ALK: variants seen among roughly 807,000 people sequenced by gnomAD.
The protein encoded by ALK is ALK tyrosine kinase receptor.
ALK carries 74 observed loss-of-function variants against 163.1 expected under a neutral mutation model. That is an observed-to-expected ratio of 0.45 (90% CI 0.38 to 0.55). ALK has a LOEUF of 0.55. ALK is among the 20% of genes least tolerant of loss of function. The pLI is 0.00. For synonymous variants in ALK, 960 were observed against 843.2 expected, an observed-to-expected ratio of 1.14 and a Z score of -2.40; for missense variants, 2,063 against 2,105.3, an observed-to-expected ratio of 0.98 and a Z score of 0.39.
At chr2:29,413,327 AG>A (rs754022403) in intron 4 of ALK, among the ~76,000 whole-genome samples, 2 of 152,106 alleles carry the variant, frequency 1.3e-5, no homozygotes, top group East Asian at 3.9e-4. Flanking sequence ...ATAAAAGTAT[AG>A]TATAGTAAAC....
chr2:29,875,799 A>T (rs1451578207), intron 1 of ALK, among the ~76,000 whole-genome samples: 5 of 152,158 alleles, frequency 3.3e-5, no homozygotes, highest in Admixed American at 3.3e-4. Context: ...CATGGTGTGT[A>T]TGTGCCACAT....
At chr2:29,199,860 A>G (rs17007671) in intron 26 of ALK, among the ~76,000 whole-genome samples, 6,736 of 152,290 alleles carry the variant, frequency 0.044, 431 homozygotes, top group African/African-American at 0.14. Flanking sequence ...TTCTGAGGTT[A>G]GCAAATATTA....
At chr2:29,692,223 C>G (rs1295989265) in intron 3 of ALK, among the ~76,000 whole-genome samples, 2 of 152,106 alleles carry the variant, frequency 1.3e-5, no homozygotes. Flanking sequence ...AATAGCAATA[C>G]TGATGAGGAT....
At chr2:29,509,975 T>A (rs1672464920) in intron 4 of ALK, among the ~76,000 whole-genome samples, 1 of 152,208 alleles carries the variant, frequency 6.6e-6, no homozygotes, top group African/African-American at 2.4e-5. Flanking sequence ...CCAGTGGCTT[T>A]AGTTACCACT....
intron 1 of ALK, among the ~76,000 whole-genome samples, chr2:29,733,221 G>GCAGGAT (rs1265698795): frequency 2.6e-5 from 4 of 152,232 alleles, no homozygotes; most frequent in Admixed American, 6.5e-5. Flanking sequence ...ATGAAGTAAA[G>GCAGGAT]CAGGATCAGG....
chr2:29,747,057 T>C (rs927702291), intron 1 of ALK, among the ~76,000 whole-genome samples: 3 of 152,204 alleles, frequency 2.0e-5, no homozygotes, highest in African/African-American at 7.2e-5. Context: ...ATCTGACCTT[T>C]CCTTCACTAG....
intron 1 of ALK, among the ~76,000 whole-genome samples, chr2:29,783,144 T>C (rs1472811552): frequency 6.6e-6 from 1 of 152,208 alleles, no homozygotes; most frequent in Admixed American, 6.5e-5. Context: ...CCTACTTTTG[T>C]CTCTGGGATG....
At chr2:29,625,025 G>A (rs1676152280) in intron 3 of ALK, among the ~76,000 whole-genome samples, 1 of 152,178 alleles carries the variant, frequency 6.6e-6, no homozygotes, top group Non-Finnish European at 1.5e-5. Flanking sequence ...TTGCCCACAT[G>A]AGTGGTATGG....
At chr2:29,590,078 A>C (rs1196636966) in intron 3 of ALK, among the ~76,000 whole-genome samples, 1 of 152,246 alleles carries the variant, frequency 6.6e-6, no homozygotes, top group Non-Finnish European at 1.5e-5. Flanking sequence ...CTGGCTTGTC[A>C]TCAAATGAAC....
intron 8 of ALK, among the ~76,000 whole-genome samples, chr2:29,299,122 T>A (rs922728120): frequency 1.3e-5 from 2 of 152,212 alleles, no homozygotes; most frequent in Admixed American, 1.3e-4. Flanking sequence ...GGTTTCTAGA[T>A]AATCTCCTCA....
At chr2:29,536,792 G>A (rs935934388) in intron 3 of ALK, among the ~76,000 whole-genome samples, 12 of 152,128 alleles carry the variant, frequency 7.9e-5, no homozygotes, top group African/African-American at 2.2e-4. Flanking sequence ...ACAAAGCTAA[G>A]GAAGTATCAA....
chr2:29,440,683 C>G (rs1416979351), intron 4 of ALK, among the ~76,000 whole-genome samples: 2 of 152,132 alleles, frequency 1.3e-5, no homozygotes, highest in African/African-American at 4.8e-5. Flanking sequence ...GTCAGGGTCC[C>G]CTGCAATCAT....
At chr2:29,338,146 G>A (rs1667680979) in intron 5 of ALK, among the ~76,000 whole-genome samples, 1 of 152,198 alleles carries the variant, frequency 6.6e-6, no homozygotes, top group Non-Finnish European at 1.5e-5. Context: ...GGGACAGAGA[G>A]AACCTTTGGG....
intron 4 of ALK, among the ~76,000 whole-genome samples, chr2:29,485,052 T>C (rs766982117): frequency 3.3e-5 from 5 of 152,210 alleles, no homozygotes; most frequent in Non-Finnish European, 5.9e-5. Flanking sequence ...GGAGTGAACC[T>C]TTTATCTAAA....
chr2:29,661,258 G>T (rs1323486159), intron 3 of ALK, among the ~76,000 whole-genome samples: 1 of 152,150 alleles, frequency 6.6e-6, no homozygotes, highest in Non-Finnish European at 1.5e-5. Context: ...AGTCAGACGG[G>T]TCTGACTTCA....
intron 23 of ALK, 125 bp from the exon 24 acceptor site, chr2:29,214,206 C>A: frequency 6.3e-6 from 5 of 795,962 alleles, no homozygotes; most frequent in Non-Finnish European, 1.1e-5. Context: ...CCAGGGGCCT[C>A]GGCCCTGGCT....
intron 3 of ALK, among the ~76,000 whole-genome samples, chr2:29,575,086 C>T (rs1198739740): frequency 1.3e-5 from 2 of 152,088 alleles, no homozygotes; most frequent in South Asian, 2.1e-4. Flanking sequence ...ATTGCCTCAA[C>T]GTTGTATGCT....
At chr2:29,734,833 T>C (rs1679847724) in intron 1 of ALK, among the ~76,000 whole-genome samples, 2 of 152,064 alleles carry the variant, frequency 1.3e-5, no homozygotes, top group South Asian at 4.1e-4. Flanking sequence ...AATAGATATT[T>C]TGGTAATTTA....
At chr2:29,437,930 T>A (rs781058329) in intron 4 of ALK, among the ~76,000 whole-genome samples, 2 of 152,240 alleles carry the variant, frequency 1.3e-5, no homozygotes, top group Non-Finnish European at 2.9e-5. Flanking sequence ...ACCCATTATT[T>A]TATTCAATCT....
Sources: allele counts gnomAD v4.1 joint callset (sites outside exome capture counted in the v4.1 genomes callset), GRCh38; gene constraint gnomAD v4.1.1; transcripts MANE v1.5; gene names NCBI Gene and HGNC (gene_info 2026-07-23, HGNC 2026-07-21).